The following SLC2A13 variants were observed in gnomAD, a reference collection of about 807,000 sequenced individuals.
SLC2A13 encodes solute carrier family 2 member 13, also known as proton myo-inositol cotransporter.
In SLC2A13, 32 loss-of-function variants were observed where a neutral mutation model predicts 64.4. The ratio of observed to expected loss-of-function variants is 0.50; its 90% CI spans 0.37 to 0.67. The LOEUF (loss-of-function observed/expected upper bound fraction) is 0.67. SLC2A13 is among the 30% of genes least tolerant of loss of function. The pLI is 0.00. For synonymous variants in SLC2A13, 338 were observed against 327.1 expected (o/e 1.03, Z -0.36); for missense variants, 743 against 829.2 (o/e 0.90, Z 1.28).
At chr12:39,932,890 A>G (rs903864558) in intron 4 of SLC2A13, among the ~76,000 whole-genome samples, 1 of 151,958 alleles carries the variant, frequency 6.6e-6, no homozygotes, top group African/African-American at 2.4e-5. Flanking sequence ...GGGTGGGATG[A>G]TGGAGAAGAT....
At chr12:39,914,217 A>T (rs1478103117) in intron 4 of SLC2A13, among the ~76,000 whole-genome samples, 4 of 152,038 alleles carry the variant, frequency 2.6e-5, no homozygotes, top group Non-Finnish European at 5.9e-5. Flanking sequence ...TGATATAGAG[A>T]TTTAAATAGA....
intron 7 of SLC2A13, among the ~76,000 whole-genome samples, chr12:39,792,898 T>A (rs903053698): frequency 6.6e-6 from 1 of 152,154 alleles, no homozygotes; most frequent in Non-Finnish European, 1.5e-5. Flanking sequence ...ATGTGGGGCT[T>A]CTCTTTCTAC....
Position 39,947,806 on chromosome 12 carries a change from G to A in SLC2A13, c.1034+3451C>T, listed in dbSNP as rs967252819. 2.4e-3 allele frequency among the ~76,000 whole-genome samples: 368 copies of A among 151,094 alleles called. 3 individuals carry two copies. Among genetic ancestry groups the A allele is most frequent in the Admixed American group, 0.023 (344 of 15,200 alleles). ...CTCCCGAGTAGCTGGGACTACAGGC[G>A]CCCGCCACTATGCCCAGCTAATTTT... On this transcript the variant is annotated intron_variant, in intron 4 of 9. Transcript: ENST00000280871.
At chr12:39,807,789 G>A (rs898977603) in intron 7 of SLC2A13, among the ~76,000 whole-genome samples, 1 of 152,198 alleles carries the variant, frequency 6.6e-6, no homozygotes, top group African/African-American at 2.4e-5. Flanking sequence ...CCCTAGGTGA[G>A]TCTAGCTATA....
At chr12:39,871,430 T>C (rs549643167) in intron 5 of SLC2A13, among the ~76,000 whole-genome samples, 13 of 152,144 alleles carry the variant, frequency 8.5e-5, no homozygotes, top group South Asian at 2.1e-4. Flanking sequence ...TTTAAAAATA[T>C]ATGTTAAAAA....
At chr12:39,936,522 C>T (rs1283540091) in intron 4 of SLC2A13, among the ~76,000 whole-genome samples, 7 of 152,152 alleles carry the variant, frequency 4.6e-5, no homozygotes, top group Admixed American at 4.6e-4. Context: ...CCTTTAGGCC[C>T]TATTTCCTTA....
chr12:40,054,546 T>C (rs1948306978), intron 1 of SLC2A13, among the ~76,000 whole-genome samples: 1 of 152,134 alleles, frequency 6.6e-6, no homozygotes, highest in African/African-American at 2.4e-5. Flanking sequence ...TCTTAGAAAA[T>C]TTCCTACAAA....
At chr12:39,769,255 T>C (rs544902705) in intron 7 of SLC2A13, among the ~76,000 whole-genome samples, 25 of 152,236 alleles carry the variant, frequency 1.6e-4, no homozygotes, top group African/African-American at 6.0e-4. Context: ...TTTCTTACTA[T>C]CTTGTAATCC....
intron 4 of SLC2A13, among the ~76,000 whole-genome samples, chr12:39,899,626 A>C (rs1945030157): frequency 6.6e-6 from 1 of 152,056 alleles, no homozygotes; most frequent in Non-Finnish European, 1.5e-5. Context: ...TTAGTGCTAT[A>C]AATTTCCCTC....
intron 6 of SLC2A13, among the ~76,000 whole-genome samples, chr12:39,845,139 TGGGCAGTCAC>T: frequency 6.6e-6 from 1 of 152,224 alleles, no homozygotes; most frequent in African/African-American, 2.4e-5. Flanking sequence ...TTCTTTGTGA[TGGGCAGTCAC>T]GTTGCCTTTA....
At chr12:39,928,146 A>C (rs1251714978) in intron 4 of SLC2A13, among the ~76,000 whole-genome samples, 1 of 152,190 alleles carries the variant, frequency 6.6e-6, no homozygotes, top group Admixed American at 6.5e-5. Flanking sequence ...TTACTTGAAT[A>C]ATATCTTGTA....
chr12:39,964,195 A>T (rs923744155), intron 3 of SLC2A13, among the ~76,000 whole-genome samples: 1 of 152,224 alleles, frequency 6.6e-6, no homozygotes, highest in African/African-American at 2.4e-5. Context: ...ATTTCAAAGT[A>T]GTTCTTGTCC....
chr12:39,785,610 C>G (rs893279784), intron 7 of SLC2A13, among the ~76,000 whole-genome samples: 3 of 152,232 alleles, frequency 2.0e-5, no homozygotes, highest in African/African-American at 7.2e-5. Context: ...ATCCTCCAGA[C>G]CCCAGAATGG....
chr12:39,767,599 C>G (rs1940407335), intron 7 of SLC2A13, among the ~76,000 whole-genome samples: 1 of 152,026 alleles, frequency 6.6e-6, no homozygotes, highest in African/African-American at 2.4e-5. Flanking sequence ...CTTCTTCCAA[C>G]AGAAGGCAGT....
chr12:40,081,468 T>C (rs17518364), intron 1 of SLC2A13, among the ~76,000 whole-genome samples: 438 of 152,326 alleles, frequency 2.9e-3, no homozygotes, highest in African/African-American at 0.01. Context: ...TTTCCTCAGA[T>C]TGGTCTATTC....
rs566820976 is a variant in SLC2A13 at position 40,011,136 on chromosome 12, G to A, written c.925+17165C>T. Among the ~76,000 whole-genome samples the A allele has an allele frequency of 3.3e-5, 5 of 152,306 alleles. No individual in the cohort carries two copies. In the South Asian group the frequency reaches 1.0e-3, roughly 32 times the overall value. On this transcript the variant is annotated intron_variant, in intron 3 of 9. Coordinates refer to ENST00000280871, the MANE Select transcript of SLC2A13 (RefSeq NM_052885.4). ...TAACCTCCCACGCCCGGTACCAAGA[G>A]TTGGAGACACAAATAATAACGGTAG...
intron 4 of SLC2A13, among the ~76,000 whole-genome samples, chr12:39,921,513 T>C (rs970521205): frequency 1.3e-5 from 2 of 152,118 alleles, no homozygotes; most frequent in African/African-American, 4.8e-5. Flanking sequence ...GTGAGTAAAC[T>C]GTTTTCAAGC....
intron 2 of SLC2A13, among the ~76,000 whole-genome samples, chr12:40,040,965 A>ATTC (rs1948076300): frequency 6.6e-6 from 1 of 151,432 alleles, no homozygotes; most frequent in African/African-American, 2.4e-5. Context: ...TATTATTATT[A>ATTC]TTATTTGAGA....
chr12:39,983,373 C>T (rs201667064), intron 3 of SLC2A13, among the ~76,000 whole-genome samples: 8,826 of 114,160 alleles, frequency 0.077, 381 homozygotes, highest in Admixed American at 0.12. Context: ...AAAGAAACTA[C>T]CATCAGAGTG....
Sources: gnomAD v4.1 joint callset for allele counts (sites outside exome capture counted in the v4.1 genomes callset) on GRCh38, gnomAD v4.1.1 for gene constraint, MANE v1.5 for transcripts, NCBI Gene and HGNC (gene_info 2026-07-23, HGNC 2026-07-21) for gene names.